Variants in ARHGAP22 observed in about 807,000 individuals in gnomAD.
ARHGAP22 encodes the protein rho GTPase-activating protein 22.
ARHGAP22 carries 48 observed loss-of-function variants against 59.1 expected under a neutral mutation model. The ratio of observed to expected loss-of-function variants is 0.81; its 90% CI spans 0.64 to 1.03. The LOEUF (loss-of-function observed/expected upper bound fraction) is 1.03. Among genes scored for constraint, ARHGAP22 ranks in the 50% least tolerant of loss-of-function variants. The probability of loss-of-function intolerance (pLI) is 0.00; values close to 1 mark genes in which losing one functional copy is unlikely to be tolerated. For synonymous variants in ARHGAP22, 445 were observed against 416.4 expected (o/e 1.07, Z -0.84); for missense variants, 1,015 against 958.7 (o/e 1.06, Z -0.78).
At chr10:48,544,644 G>A (rs1474758623) in intron 3 of ARHGAP22, among the ~76,000 whole-genome samples, 1 of 152,206 alleles carries the variant, frequency 6.6e-6, no homozygotes, top group Admixed American at 6.5e-5. Flanking sequence ...GGAATAACTT[G>A]GGTATGTGAC....
intron 3 of ARHGAP22, among the ~76,000 whole-genome samples, chr10:48,487,233 A>T (rs2049949002): frequency 1.3e-5 from 2 of 151,828 alleles, no homozygotes; most frequent in African/African-American, 2.4e-5. Flanking sequence ...TTTTTGTTAA[A>T]TTTTTTTTCT....
At chr10:48,563,415 G>C (rs556654090) in intron 2 of ARHGAP22, among the ~76,000 whole-genome samples, 2 of 152,084 alleles carry the variant, frequency 1.3e-5, no homozygotes, top group African/African-American at 4.8e-5. Context: ...GGATGGTCTC[G>C]ATCTGACCTC....
chr10:48,644,324 T>C (rs1490439133), intron 1 of ARHGAP22, among the ~76,000 whole-genome samples: 1 of 152,182 alleles, frequency 6.6e-6, no homozygotes, highest in Non-Finnish European at 1.5e-5. Flanking sequence ...GAGGACTAAT[T>C]AATTAGAGTT....
chr10:48,453,287 G>A lies in ARHGAP22; in HGVS notation c.988+17C>T, dbSNP rs1340743273. The stretch of plus-strand genomic sequence containing the variant: ...CCCCGGCAGCACCCAGGGCCACCAG[G>A]TACACCTCCCACTTACCTTCCATGA... On this transcript the variant is annotated intron_variant, in intron 8 of 9. Coordinates refer to ENST00000249601, the MANE Select transcript of ARHGAP22 (RefSeq NM_021226.4). 6.2e-7 allele frequency: 1 copy of A among 1,612,752 alleles called. No homozygotes were observed. The highest frequency in any genetic ancestry group is 1.3e-5 in the African/African-American group (1 of 75,006).
At chr10:48,588,721 G>T (rs1188151520) in intron 1 of ARHGAP22, among the ~76,000 whole-genome samples, 2 of 152,220 alleles carry the variant, frequency 1.3e-5, no homozygotes, top group South Asian at 2.1e-4. Context: ...TCCAGGTACA[G>T]AGCCCAATTG....
At chr10:48,465,876 C>T (rs955088980) in intron 4 of ARHGAP22, among the ~76,000 whole-genome samples, 40 of 152,212 alleles carry the variant, frequency 2.6e-4, no homozygotes, top group African/African-American at 9.6e-4. Context: ...TCACCATCTT[C>T]CATGCAACCA....
At chr10:48,556,176 T>G (rs980318334) in intron 2 of ARHGAP22, among the ~76,000 whole-genome samples, 5 of 152,024 alleles carry the variant, frequency 3.3e-5, no homozygotes, top group Admixed American at 6.5e-5. Context: ...GCATGAGGTA[T>G]AGGGACGGGG....
chr10:48,431,797 T>G, the ARHGAP22 span, among the ~76,000 whole-genome samples: 2 of 152,178 alleles, frequency 1.3e-5, no homozygotes, highest in Non-Finnish European at 2.9e-5. Flanking sequence ...GATCTTATAT[T>G]TAATGTTAGT....
the ARHGAP22 span, among the ~76,000 whole-genome samples, chr10:48,434,634 C>T: frequency 6.6e-6 from 1 of 152,146 alleles, no homozygotes; most frequent in East Asian, 1.9e-4. Flanking sequence ...AAATTCTTGT[C>T]TTAAACTGAA....
At chr10:48,575,679 A>G (rs971663845) in intron 2 of ARHGAP22, 1 of 152,228 alleles carries the variant, frequency 6.6e-6, no homozygotes, top group African/African-American at 2.4e-5. Flanking sequence ...AATAAAACAT[A>G]CAACAGAAAC....
At chr10:48,544,805 C>A (rs565917329) in intron 3 of ARHGAP22, among the ~76,000 whole-genome samples, 3 of 152,300 alleles carry the variant, frequency 2.0e-5, no homozygotes, top group Admixed American at 2.0e-4. Flanking sequence ...ATATGCTAAT[C>A]ACCCTAATCT....
chr10:48,618,165 A>G (rs1427695420), intron 1 of ARHGAP22, among the ~76,000 whole-genome samples: 2 of 152,102 alleles, frequency 1.3e-5, no homozygotes, highest in African/African-American at 4.8e-5. Flanking sequence ...GAAATGGAAA[A>G]TGTGAACAGA....
chr10:48,530,781 G>A (rs995580024), intron 3 of ARHGAP22, among the ~76,000 whole-genome samples: 3 of 152,188 alleles, frequency 2.0e-5, no homozygotes, highest in South Asian at 4.1e-4. Context: ...AGATGTTGGC[G>A]TGGATGTGGT....
intron 2 of ARHGAP22, among the ~76,000 whole-genome samples, chr10:48,557,854 G>A (rs1349795635): frequency 6.6e-6 from 1 of 152,228 alleles, no homozygotes; most frequent in Admixed American, 6.5e-5. Flanking sequence ...TTGGGGGCCT[G>A]GGGAGCAGAG....
chr10:48,436,537 A>G, the ARHGAP22 span: 1 of 152,230 alleles, frequency 6.6e-6, no homozygotes, highest in African/African-American at 2.4e-5. Flanking sequence ...CACATAAGCA[A>G]CAAGGTTCTA....
In ARHGAP22 at chr10:48,552,678, C is replaced by T. The variant is rs142371721; in HGVS notation, c.322+2785G>A. On this transcript the variant is annotated intron_variant, in intron 3 of 9. Transcript: ENST00000249601. ...AGACTCCCTAATGGCAGAGACTGAC[C>T]CCTGCTCATCTCAGGGCCCTGCAAG... Among the ~76,000 whole-genome samples, 368 of 152,314 alleles carry T rather than the reference C, an allele frequency of 2.4e-3. 2 individuals carry two copies. Among genetic ancestry groups the T allele is most frequent in the Middle Eastern group, 6.8e-3 (2 of 294 alleles).
chr10:48,445,443 GGGCCT>G (rs1282536058), downstream of ARHGAP22: 3 of 152,514 alleles, frequency 2.0e-5, no homozygotes, highest in Admixed American at 6.5e-5. Context: ...AGCTCCAGCT[GGGCCT>G]GGCCTGGGTG....
chr10:48,611,451 G>A (rs1250005620), intron 1 of ARHGAP22, among the ~76,000 whole-genome samples: 3 of 152,122 alleles, frequency 2.0e-5, no homozygotes, highest in Admixed American at 1.3e-4. Context: ...AGCTGCCCAG[G>A]CTCCAAAGGC....
At position 48,450,583 on chromosome 10, in the gene ARHGAP22, AG is replaced by A; in HGVS notation, c.1545del (p.Ser516ArgfsTer106). 1 of 1,540,250 alleles carries A rather than the reference AG, an allele frequency of 6.5e-7. No homozygotes were observed. Among genetic ancestry groups the A allele is most frequent in the Non-Finnish European group, 8.7e-7 (1 of 1,144,046 alleles). Reference sequence around the variant, plus strand: ...CCCCCCACCGACGACTCGCTGGACGAGGCCCCGGACCACGCCATACTGGCCA... The same window carrying A: ...CCCCCCACCGACGACTCGCTGGACGAGCCCCGGACCACGCCATACTGGCCA... Reference protein sequence around the residue: ...PSVASMAWSGASSSESSVGGS... With the variant: ...PSVASMAWSGXSSSESSVGGS... On this transcript the variant is annotated frameshift_variant, in exon 9 of 10. Coordinates refer to ENST00000249601, the MANE Select transcript of ARHGAP22 (RefSeq NM_021226.4). LOFTEE classifies it high-confidence loss of function.
Sources: allele counts gnomAD v4.1 joint callset (sites outside exome capture counted in the v4.1 genomes callset), GRCh38; gene constraint gnomAD v4.1.1; transcripts MANE v1.5; gene names NCBI Gene and HGNC (gene_info 2026-07-23, HGNC 2026-07-21).